The following HTR2C variants were observed in gnomAD, a reference collection of about 807,000 sequenced individuals.
The protein encoded by HTR2C is 5-hydroxytryptamine receptor 2C.
A neutral mutation model predicts 21.0 loss-of-function variants in HTR2C; 5 were observed. That is an observed-to-expected ratio of 0.24 (90% CI 0.12 to 0.50). The LOEUF is 0.50. Among genes scored for constraint, HTR2C ranks in the 20% least tolerant of loss-of-function variants. The pLI, the probability that HTR2C is intolerant of heterozygous loss-of-function variation, is 0.98. For missense variants in HTR2C, 271 were observed against 371.2 expected, an observed-to-expected ratio of 0.73 and a Z score of 2.22; for synonymous variants, 150 against 145.3, an observed-to-expected ratio of 1.03 and a Z score of -0.23.
intron 5 of HTR2C, among the ~76,000 whole-genome samples, chrX:114,896,942 C>CT (rs1470419860): frequency 9.0e-6 from 1 of 111,412 alleles, no homozygotes; most frequent in Non-Finnish European, 1.9e-5. Context: ...CCTGCCTTCT[C>CT]TTCTGCTTAC....
Position 114,652,027 on chromosome X carries a change from A to G in HTR2C, c.-80+38146A>G, listed in dbSNP as rs1332362672. On this transcript the variant is annotated intron_variant, in intron 2 of 5. Coordinates refer to ENST00000276198, the MANE Select transcript of HTR2C (RefSeq NM_000868.4). ...CATAGTATAATTTTACCTCATGATG[A>G]TATCAGTGAACATATCATCTTGTGA... Among the ~76,000 whole-genome samples, 4 of 111,887 alleles carry G rather than the reference A, an allele frequency of 3.6e-5. 1 individual carries two copies. The Middle Eastern group carries it at 0.019, about 528-fold the overall frequency.
At chrX:114,695,343 T>A (rs145881466) in intron 2 of HTR2C, among the ~76,000 whole-genome samples, 234 of 111,869 alleles carry the variant, frequency 2.1e-3, no homozygotes, top group Non-Finnish European at 3.4e-3. Flanking sequence ...AAGACTAGGA[T>A]TGGAAGGTTT....
chrX:114,905,215 T>C (rs2071362819), intron 5 of HTR2C, among the ~76,000 whole-genome samples: 2 of 111,273 alleles, frequency 1.8e-5, no homozygotes, highest in South Asian at 7.5e-4. Flanking sequence ...GTCATATCTG[T>C]TGTGGCTTCC....
intron 4 of HTR2C, among the ~76,000 whole-genome samples, chrX:114,794,445 A>C (rs1254425499): frequency 1.9e-5 from 2 of 107,983 alleles, no homozygotes; most frequent in Non-Finnish European, 3.8e-5. Context: ...TTACATATGT[A>C]TACATGTGCC....
intron 4 of HTR2C, among the ~76,000 whole-genome samples, chrX:114,747,212 C>G (rs1321621474): frequency 2.7e-5 from 3 of 111,529 alleles, no homozygotes; most frequent in African/African-American, 9.8e-5. Flanking sequence ...ACCCAGAAAA[C>G]TCAGAATGGA....
At chrX:114,784,070 A>G (rs2070147186) in intron 4 of HTR2C, among the ~76,000 whole-genome samples, 1 of 109,705 alleles carries the variant, frequency 9.1e-6, no homozygotes, top group Non-Finnish European at 1.9e-5. Flanking sequence ...AGACAATGAT[A>G]AAGACATGAG....
chrX:114,726,172 G>A (rs372267833), intron 2 of HTR2C, among the ~76,000 whole-genome samples: 42 of 112,440 alleles, frequency 3.7e-4, no homozygotes, highest in African/African-American at 1.1e-3. Context: ...GTGAGACTCC[G>A]TGGGCATAGG....
At chrX:114,670,621 A>C (rs1456234266) in intron 2 of HTR2C, among the ~76,000 whole-genome samples, 2 of 112,293 alleles carry the variant, frequency 1.8e-5, no homozygotes, top group Non-Finnish European at 3.8e-5. Flanking sequence ...GTAGCAACAC[A>C]CTTTTTATGG....
intron 4 of HTR2C, among the ~76,000 whole-genome samples, chrX:114,783,242 C>T (rs182885475): frequency 3.6e-5 from 4 of 111,365 alleles, no homozygotes; most frequent in South Asian, 3.7e-4. Flanking sequence ...ATTATAAATA[C>T]GTTTAAAGCA....
chrX:114,873,932 T>C (rs1482630250), intron 5 of HTR2C, among the ~76,000 whole-genome samples: 1 of 110,851 alleles, frequency 9.0e-6, no homozygotes, highest in Non-Finnish European at 1.9e-5. Flanking sequence ...GACCAATATT[T>C]CCCCAACCCC....
chrX:114,818,388 A>G, intron 4 of HTR2C, among the ~76,000 whole-genome samples: 1 of 112,083 alleles, frequency 8.9e-6, no homozygotes, highest in Non-Finnish European at 1.9e-5. Flanking sequence ...TTGCTTTTTA[A>G]AGCCTTCTCT....
At chrX:114,762,215 C>A (rs2069886273) in intron 4 of HTR2C, among the ~76,000 whole-genome samples, 1 of 109,448 alleles carries the variant, frequency 9.1e-6, no homozygotes, top group African/African-American at 3.3e-5. Context: ...AGATTTATGC[C>A]TTTTTGTAAA....
At chrX:114,809,333 C>T (rs2070508919) in intron 4 of HTR2C, among the ~76,000 whole-genome samples, 1 of 109,894 alleles carries the variant, frequency 9.1e-6, no homozygotes, top group Admixed American at 9.8e-5. Flanking sequence ...ACTCAAGGCC[C>T]ATGGGGCTCT....
chrX:114,706,821 A>G (rs1238889838), intron 2 of HTR2C, among the ~76,000 whole-genome samples: 6 of 111,470 alleles, frequency 5.4e-5, no homozygotes, highest in Non-Finnish European at 9.4e-5. Context: ...AATGGGTTGG[A>G]TCATAGCACC....
intron 4 of HTR2C, among the ~76,000 whole-genome samples, chrX:114,831,622 C>A (rs1242739160): frequency 1.9e-5 from 2 of 105,291 alleles, no homozygotes; most frequent in African/African-American, 7.0e-5. Context: ...GAGTAGGTTG[C>A]GAAAATTTTC....
At chrX:114,887,749 C>G (rs1361890027) in intron 5 of HTR2C, among the ~76,000 whole-genome samples, 5 of 110,912 alleles carry the variant, frequency 4.5e-5, no homozygotes, top group African/African-American at 1.6e-4. Context: ...TGGCCGGGCG[C>G]GGTGCCTCAT....
At chrX:114,636,665 G>A (rs1036364743) in intron 2 of HTR2C, among the ~76,000 whole-genome samples, 6 of 111,742 alleles carry the variant, frequency 5.4e-5, no homozygotes, top group African/African-American at 2.0e-4. Context: ...TATTGTGTGT[G>A]CCTCTACAGG....
intron 5 of HTR2C, among the ~76,000 whole-genome samples, chrX:114,851,855 G>A (rs1038223043): frequency 9.0e-6 from 1 of 111,213 alleles, no homozygotes; most frequent in Admixed American, 9.7e-5. Context: ...AGCTCAGTAT[G>A]CTCATTGCTA....
chrX:114,850,240 C>A lies in HTR2C; in HGVS notation c.550+2037C>A, dbSNP rs782331915. Among the ~76,000 whole-genome samples, 8 of 110,250 alleles carry A rather than the reference C, an allele frequency of 7.3e-5. No homozygotes were observed. In the South Asian group the frequency reaches 2.7e-3, roughly 38 times the overall value. ...CCTGGACAACATGATGAAACCCCAT[C>A]TCTACTAAAAATACAAAAATTAGCC... On this transcript the variant is annotated intron_variant, in intron 5 of 5. Transcript: ENST00000276198.
Sources: gnomAD v4.1 joint callset for allele counts (sites outside exome capture counted in the v4.1 genomes callset) on GRCh38, gnomAD v4.1.1 for gene constraint, MANE v1.5 for transcripts, NCBI Gene and HGNC (gene_info 2026-07-23, HGNC 2026-07-21) for gene names.